The following CTNNB1 variants were observed in gnomAD, a reference collection of about 807,000 sequenced individuals.
CTNNB1 encodes catenin beta-1.
In CTNNB1, 6 loss-of-function variants were observed where a neutral mutation model predicts 82.5. The ratio of observed to expected loss-of-function variants is 0.07; its 90% confidence interval spans 0.04 to 0.14. The LOEUF is 0.14. Among genes scored for constraint, CTNNB1 ranks in the 10% least tolerant of loss-of-function variants. CTNNB1 has a pLI of 1.00. For synonymous variants in CTNNB1, 312 were observed against 329.7 expected (o/e 0.95, Z 0.58); for missense variants, 529 against 980.4 (o/e 0.54, Z 6.15).
chr3:41,240,078 ATTT>A lies in CTNNB1; in HGVS notation c.*739_*741del, dbSNP rs2078544747. 1 of 181,624 alleles carries A rather than the reference ATTT, an allele frequency of 5.5e-6. No individual in the cohort carries two copies. Among genetic ancestry groups the A allele is most frequent in the Admixed American group, 7.6e-5 (1 of 13,204 alleles). 11.3% of individuals were successfully genotyped at this position (181,624 alleles called of 1,614,324 possible). A position where few individuals can be genotyped will look rare whatever the true frequency, so the allele number is the denominator to read the frequency against. ...GTGAATACTGCTACAGCAATTTCTA[ATTT>A]TTAAGAATTGAGTAATGGTGTAGAA... On this transcript the variant is annotated 3_prime_UTR_variant, in exon 15 of 15. Transcript: ENST00000349496.
chr3:41,203,558 A>G (rs761385834), intron 1 of CTNNB1, among the ~76,000 whole-genome samples: 8 of 152,206 alleles, frequency 5.3e-5, no homozygotes, highest in East Asian at 1.9e-4. Flanking sequence ...TGAATTGTCA[A>G]TTTGTCTAAA....
At chr3:41,230,048 A>G (rs956088622) in intron 7 of CTNNB1, among the ~76,000 whole-genome samples, 1 of 152,218 alleles carries the variant, frequency 6.6e-6, no homozygotes, top group Admixed American at 6.5e-5. Context: ...AATGGAAGAA[A>G]ATGTTGGGAA....
chr3:41,200,107 G>C (rs2077491265), intron 1 of CTNNB1: 1 of 152,262 alleles, frequency 6.6e-6, no homozygotes, highest in African/African-American at 2.4e-5. Flanking sequence ...CAGCTCTTGC[G>C]GCGAGTTGGG....
At chr3:41,234,029 G>A in intron 9 of CTNNB1, 110 bp from the exon 10 acceptor site, 1 of 1,478,372 alleles carries the variant, frequency 6.8e-7, no homozygotes, top group Non-Finnish European at 9.4e-7. Context: ...AAATGTTTGT[G>A]TAGTCAGAAC....
intron 1 of CTNNB1, among the ~76,000 whole-genome samples, chr3:41,216,732 C>T (rs1430053881): frequency 6.6e-6 from 1 of 152,050 alleles, no homozygotes; most frequent in Non-Finnish European, 1.5e-5. Flanking sequence ...GCTAACTTCT[C>T]GGACAGATAT....
chr3:41,237,069 A>T, intron 13 of CTNNB1: 1 of 381,906 alleles, frequency 2.6e-6, no homozygotes, highest in Non-Finnish European at 4.7e-6. Context: ...CTTTAATAAA[A>T]CTTTTCTATT....
chr3:41,235,691 T>C (rs1559476026), intron 10 of CTNNB1, 33 bp from the exon 11 acceptor site: 1 of 1,614,078 alleles, frequency 6.2e-7, no homozygotes, highest in East Asian at 2.2e-5. Flanking sequence ...CAGAGGAGAA[T>C]GCCCTGTTTG....
chr3:41,229,902 G>GTA (rs2078267133), intron 7 of CTNNB1, among the ~76,000 whole-genome samples: 1 of 151,920 alleles, frequency 6.6e-6, no homozygotes, highest in African/African-American at 2.4e-5. Context: ...GTGTGTGTGT[G>GTA]TGTGTCATGA....
intron 1 of CTNNB1, among the ~76,000 whole-genome samples, chr3:41,208,593 C>G (rs184324679): frequency 1.5e-3 from 233 of 152,344 alleles, no homozygotes; most frequent in Non-Finnish European, 2.4e-3. Context: ...CACTTCTATA[C>G]AGCTGAAGTT....
At chr3:41,234,061 G>C (rs1209945048) in intron 9 of CTNNB1, 78 bp from the exon 10 acceptor site, 1 of 1,582,664 alleles carries the variant, frequency 6.3e-7, no homozygotes, top group Non-Finnish European at 8.7e-7. Flanking sequence ...GATACCAATA[G>C]ATTTAGTGTG....
chr3:41,236,838 T>C, intron 13 of CTNNB1, 129 bp downstream of exon 13: 1 of 1,251,626 alleles, frequency 8.0e-7, no homozygotes, highest in South Asian at 1.2e-5. Context: ...GTATTTCTTC[T>C]TTATGCTGTC....
At chr3:41,226,210 G>C (rs1389007846) in intron 6 of CTNNB1, among the ~76,000 whole-genome samples, 1 of 152,194 alleles carries the variant, frequency 6.6e-6, no homozygotes, top group Admixed American at 6.5e-5. Context: ...GTGCAGCCCA[G>C]TTCATTTCTG....
In CTNNB1 at chr3:41,220,024, T is replaced by TA. The variant is rs1339105705; in HGVS notation, c.-48-3996dup. Among the ~76,000 whole-genome samples, 4 of 152,264 alleles carry TA rather than the reference T, an allele frequency of 2.6e-5. No individual in the cohort carries two copies. In the East Asian group the frequency reaches 7.7e-4, roughly 29 times the overall value. ...AGCAGTGAGTTTAATATACCAAACA[T>TA]ACCAAAATGTCATCATTTACTGTGT... On this transcript the variant is annotated intron_variant, in intron 1 of 14. Transcript: ENST00000349496.
intron 1 of CTNNB1, chr3:41,210,960 A>T (rs2077769318): frequency 4.5e-6 from 2 of 445,442 alleles, no homozygotes; most frequent in South Asian, 3.2e-5. Flanking sequence ...CTGGCTAATT[A>T]AAAAAAATTT....
At chr3:41,220,410 AC>A (rs1026033450) in intron 1 of CTNNB1, 3 of 25,738 alleles carry the variant, frequency 1.2e-4, no homozygotes, top group African/African-American at 4.3e-4. Flanking sequence ...ACCCTCACCC[AC>A]CCACCCCACC....
rs969600009 is a variant in CTNNB1 at position 41,240,077 on chromosome 3, A to C, written c.*735A>C. 1 of 179,980 alleles carries C rather than the reference A, an allele frequency of 5.6e-6. No individual in the cohort carries two copies. Among genetic ancestry groups the C allele is most frequent in the African/African-American group, 2.8e-5 (1 of 36,236 alleles). 11.1% of individuals were successfully genotyped at this position (179,980 alleles called of 1,614,324 possible). ...AGTGAATACTGCTACAGCAATTTCTAATTTTTAAGAATTGAGTAATGGTGT... is the reference window on the plus strand; with the variant it reads ...AGTGAATACTGCTACAGCAATTTCTCATTTTTAAGAATTGAGTAATGGTGT... On this transcript the variant is annotated 3_prime_UTR_variant, in exon 15 of 15. Coordinates refer to ENST00000349496, the MANE Select transcript of CTNNB1 (RefSeq NM_001904.4).
rs2125640248 is a variant in CTNNB1, at chr3:41,233,764, G to A, written c.1421G>A (p.Arg474Gln). Reference sequence around the variant, plus strand: ...TGTGCTCTTCGTCATCTGACCAGCCGACACCAAGAAGCAGAGATGGCCCAG... The same window carrying A: ...TGTGCTCTTCGTCATCTGACCAGCCAACACCAAGAAGCAGAGATGGCCCAG... The part of the protein sequence containing the change: ...AICALRHLTS[R>Q]HQEAEMAQNA... Residue 474 changes from arginine to glutamine, a missense_variant, in exon 9 of 15, where the codon CGA (arginine) becomes CAA (glutamine). This residue lies in a region of CTNNB1 where 411 missense variants were observed against 776.4 expected (regional missense o/e 0.53). Transcript: ENST00000349496. 3.7e-6 allele frequency: 6 copies of A among 1,613,592 alleles called. No individual in the cohort carries two copies. Among genetic ancestry groups the A allele is most frequent in the Non-Finnish European group, 5.1e-6 (6 of 1,179,666 alleles).
chr3:41,202,501 T>C (rs898447187), intron 1 of CTNNB1, among the ~76,000 whole-genome samples: 6 of 152,226 alleles, frequency 3.9e-5, no homozygotes, highest in Admixed American at 2.6e-4. Context: ...TGGTATCTAT[T>C]GTTGAAACTG....
At chr3:41,222,798 A>G (rs111710810) in intron 1 of CTNNB1, among the ~76,000 whole-genome samples, 383 of 152,344 alleles carry the variant, frequency 2.5e-3, no homozygotes, top group Admixed American at 3.5e-3. Flanking sequence ...GTCTGTTGAC[A>G]TTGGCCAAAG....
Sources: gnomAD v4.1 joint callset for allele counts (sites outside exome capture counted in the v4.1 genomes callset) on GRCh38, gnomAD v4.1.1 for gene constraint, gnomAD v4.1.1 regional missense constraint, MANE v1.5 for transcripts, NCBI Gene and HGNC (gene_info 2026-07-23, HGNC 2026-07-21) for gene names.